TENM3: variants seen among roughly 807,000 people sequenced by gnomAD.
TENM3 encodes teneurin-3.
TENM3 carries 63 observed loss-of-function variants against 255.1 expected under a neutral mutation model. The observed-to-expected ratio is 0.25, with a 90% CI of 0.20 to 0.30. The LOEUF (loss-of-function observed/expected upper bound fraction) is 0.30, where lower values mean the gene tolerates loss of function less well. Ranked by LOEUF, TENM3 falls within the 10% of genes least tolerant of loss-of-function variation. The probability of loss-of-function intolerance (pLI) is 1.00; values close to 1 mark genes in which losing one functional copy is unlikely to be tolerated. For missense variants in TENM3, 2,929 were observed against 3,461.1 expected, an observed-to-expected ratio of 0.85 and a Z score of 3.86; for synonymous variants, 1,306 against 1,322.3, an observed-to-expected ratio of 0.99 and a Z score of 0.27.
At chr4:182,341,376 C>T (rs1018434044) in intron 2 of TENM3, among the ~76,000 whole-genome samples, 1 of 152,124 alleles carries the variant, frequency 6.6e-6, no homozygotes, top group Admixed American at 6.5e-5. Context: ...CCTTCCTCAC[C>T]TTTATTCAGA....
intron 12 of TENM3, among the ~76,000 whole-genome samples, chr4:182,705,094 T>A (rs1758175252): frequency 6.6e-6 from 1 of 152,220 alleles, no homozygotes; most frequent in South Asian, 2.1e-4. Context: ...TTAAGGAACA[T>A]CAAATCAATG....
chr4:182,242,089 T>C (rs1174541323), upstream of TENM3, among the ~76,000 whole-genome samples: 2 of 60,722 alleles, frequency 3.3e-5, no homozygotes, highest in Non-Finnish European at 5.9e-5. Flanking sequence ...TTGTTACATA[T>C]ATATACATGT....
the TENM3 span, among the ~76,000 whole-genome samples, chr4:181,576,299 T>C: frequency 6.6e-6 from 1 of 152,264 alleles, no homozygotes; most frequent in African/African-American, 2.4e-5. Flanking sequence ...TATAGCTGAA[T>C]AGTATTCCAT....
chr4:181,680,225 A>G, the TENM3 span, among the ~76,000 whole-genome samples: 11 of 152,258 alleles, frequency 7.2e-5, no homozygotes, highest in South Asian at 2.3e-3. Flanking sequence ...CTAATGCTTT[A>G]ATACTCTTTC....
chr4:181,742,963 G>A, the TENM3 span, among the ~76,000 whole-genome samples: 1 of 150,870 alleles, frequency 6.6e-6, no homozygotes, highest in African/African-American at 2.5e-5. Flanking sequence ...TACTGAGAAT[G>A]ATGATTTCCA....
chr4:182,033,594 A>G, the TENM3 span, among the ~76,000 whole-genome samples: 1 of 151,984 alleles, frequency 6.6e-6, no homozygotes, highest in Non-Finnish European at 1.5e-5. Flanking sequence ...TATCTTTGTT[A>G]CTTTTCTGTC....
intron 1 of TENM3, among the ~76,000 whole-genome samples, chr4:182,219,178 C>G (rs747901876): frequency 6.6e-6 from 1 of 152,124 alleles, no homozygotes; most frequent in African/African-American, 2.4e-5. Context: ...GTCGAAATCA[C>G]GCCACTGCCC....
chr4:182,306,870 A>G (rs1762165677), intron 1 of TENM3, among the ~76,000 whole-genome samples: 1 of 152,180 alleles, frequency 6.6e-6, no homozygotes, highest in African/African-American at 2.4e-5. Flanking sequence ...AAACTACTCA[A>G]TTGAATGCTG....
At chr4:181,605,534 GAAA>G in the TENM3 span, among the ~76,000 whole-genome samples, 6 of 22,190 alleles carry the variant, frequency 2.7e-4, 1 homozygote, top group African/African-American at 6.6e-4. Context: ...AAGAAAGAAA[GAAA>G]GAAAGAAAGA....
At chr4:182,192,982 C>T (rs1753614037) in intron 1 of TENM3, among the ~76,000 whole-genome samples, 1 of 152,138 alleles carries the variant, frequency 6.6e-6, no homozygotes, top group Non-Finnish European at 1.5e-5. Flanking sequence ...GCTGAACCAG[C>T]AATTACTCAC....
At chr4:181,803,939 C>CAAAAAAAAA in the TENM3 span, among the ~76,000 whole-genome samples, 2 of 117,546 alleles carry the variant, frequency 1.7e-5, no homozygotes, top group Admixed American at 9.7e-5. Flanking sequence ...ATTATCTCAA[C>CAAAAAAAAA]AAAAAAAAAA....
At chr4:181,892,099 A>AATTGC in the TENM3 span, among the ~76,000 whole-genome samples, 1 of 152,192 alleles carries the variant, frequency 6.6e-6, no homozygotes, top group Non-Finnish European at 1.5e-5. Flanking sequence ...AAAACTGTGA[A>AATTGC]AAATAAATTT....
chr4:182,330,596 G>A (rs771707724), intron 2 of TENM3, among the ~76,000 whole-genome samples: 2 of 152,190 alleles, frequency 1.3e-5, no homozygotes, highest in Non-Finnish European at 2.9e-5. Flanking sequence ...CCCATCAATA[G>A]CATTTATCTC....
the TENM3 span, among the ~76,000 whole-genome samples, chr4:182,050,393 G>A: frequency 6.6e-6 from 1 of 152,078 alleles, no homozygotes; most frequent in East Asian, 1.9e-4. Flanking sequence ...GATTGTTAAG[G>A]GAAATAAGTC....
At chr4:182,761,062 G>A in intron 22 of TENM3, among the ~76,000 whole-genome samples, 1 of 152,168 alleles carries the variant, frequency 6.6e-6, no homozygotes, top group South Asian at 2.1e-4. Context: ...CCTGGCTGCA[G>A]TGCCATGCTG....
At chr4:181,631,680 G>A in the TENM3 span, among the ~76,000 whole-genome samples, 1 of 152,084 alleles carries the variant, frequency 6.6e-6, no homozygotes, top group South Asian at 2.1e-4. Flanking sequence ...AGCTGACTTG[G>A]TGACCTTAAA....
rs1580835563 is a variant in TENM3 at position 182,526,977 on chromosome 4, T to C, written c.512-73947T>C. Among the ~76,000 whole-genome samples the C allele has an allele frequency of 6.1e-5, 6 of 98,420 alleles. No individual in the cohort carries two copies. In the South Asian group the frequency reaches 1.7e-3, roughly 28 times the overall value. 64.6% of individuals were successfully genotyped at this position (98,420 alleles called of 152,430 possible). A position where few individuals can be genotyped will look rare whatever the true frequency, so the allele number is the denominator to read the frequency against. On this transcript the variant is annotated intron_variant, in intron 3 of 27. Transcript: ENST00000511685. ...TTTCGCTCCTTTCTGAGTTCTTTAA[T>C]TTTTTTTTTTCTGAGCTCCTAATAT...
chr4:181,678,964 T>C, the TENM3 span, among the ~76,000 whole-genome samples: 1 of 152,074 alleles, frequency 6.6e-6, no homozygotes, highest in Non-Finnish European at 1.5e-5. Flanking sequence ...TTTAAACTTA[T>C]TCCAACACGT....
At chr4:182,453,372 T>C (rs1287663053) in intron 3 of TENM3, among the ~76,000 whole-genome samples, 2 of 152,184 alleles carry the variant, frequency 1.3e-5, no homozygotes, top group Non-Finnish European at 2.9e-5. Context: ...TTTGTGGGCA[T>C]GTCACATTTA....
Sources: allele counts gnomAD v4.1 joint callset (sites outside exome capture counted in the v4.1 genomes callset), GRCh38; gene constraint gnomAD v4.1.1; transcripts MANE v1.5; gene names NCBI Gene and HGNC (gene_info 2026-07-23, HGNC 2026-07-21).